The following LDLRAP1 variants were observed in gnomAD, a reference collection of about 807,000 sequenced individuals.
LDLRAP1 encodes the protein low density lipoprotein receptor adaptor protein 1.
A neutral mutation model predicts 37.8 loss-of-function variants in LDLRAP1; 30 were observed. The ratio of observed to expected loss-of-function variants is 0.79; its 90% CI spans 0.59 to 1.08. The LOEUF is 1.08. Among genes scored for constraint, LDLRAP1 ranks in the 50% least tolerant of loss-of-function variants. The probability of loss-of-function intolerance (pLI) is 0.00; values close to 1 mark genes in which losing one functional copy is unlikely to be tolerated. For missense variants in LDLRAP1, 375 were observed against 401.6 expected, an observed-to-expected ratio of 0.93 and a Z score of 0.57; for synonymous variants, 156 against 169.8, an observed-to-expected ratio of 0.92 and a Z score of 0.63.
chr1:25,583,605 G>A, the LDLRAP1 span, among the ~76,000 whole-genome samples: 202 of 152,142 alleles, frequency 1.3e-3, 1 homozygote, highest in African/African-American at 4.0e-3. Context: ...TGAGCTTCCC[G>A]GATCTGTAGT....
chr1:25,570,557 T>G (rs1262686566), downstream of LDLRAP1, among the ~76,000 whole-genome samples: 2 of 152,042 alleles, frequency 1.3e-5, no homozygotes, highest in South Asian at 2.1e-4. Flanking sequence ...AGGTGCCCGT[T>G]TGTATATTAA....
rs1394250592 is a variant in LDLRAP1 at position 25,555,171 on chromosome 1, G to C, written c.344+199G>C. Among the ~76,000 whole-genome samples, 3 of 152,238 alleles carry C rather than the reference G, an allele frequency of 2.0e-5. No homozygotes were observed. The highest frequency in any genetic ancestry group is 2.0e-4 in the Admixed American group (3 of 15,288). On this transcript the variant is annotated intron_variant, in intron 3 of 8. Transcript: ENST00000374338. This position sits in a 1 kb window ranked among gnomAD's most constrained non-coding sequence, Gnocchi z 4.7. ...GTGGAGTGCACGGCACCTGGCTCAT[G>C]ATGAGCATTTGGTTAAGTGGCAGCT...
the LDLRAP1 span, among the ~76,000 whole-genome samples, chr1:25,587,067 ATACTC>A: frequency 6.6e-6 from 1 of 152,094 alleles, no homozygotes; most frequent in South Asian, 2.1e-4. Context: ...GGCCCTTACT[ATACTC>A]TAAACTCTAA....
the LDLRAP1 span, among the ~76,000 whole-genome samples, chr1:25,586,342 CACT>C: frequency 6.6e-6 from 1 of 152,116 alleles, no homozygotes. The surrounding 1 kb of genome is among the most constrained non-coding windows in gnomAD (Gnocchi z 4.3). Flanking sequence ...CCTGTCCCTG[CACT>C]CATCTCTGGG....
intron 4 of LDLRAP1, among the ~76,000 whole-genome samples, chr1:25,558,249 G>A: frequency 6.6e-6 from 1 of 152,130 alleles, no homozygotes; most frequent in Non-Finnish European, 1.5e-5. Flanking sequence ...ACAGCTCTGA[G>A]CCCCAGTCCC....
At chr1:25,581,090 G>A in the LDLRAP1 span, among the ~76,000 whole-genome samples, 4 of 152,150 alleles carry the variant, frequency 2.6e-5, no homozygotes, top group Admixed American at 2.0e-4. Context: ...CTTGGGGGCC[G>A]GTCCTGGACC....
At chr1:25,561,442 GTT>G (rs1481305364) in intron 4 of LDLRAP1, among the ~76,000 whole-genome samples, 2 of 152,208 alleles carry the variant, frequency 1.3e-5, no homozygotes, top group Admixed American at 1.3e-4. Context: ...TTTAAAAGGA[GTT>G]TTAAAGGCAG....
At chr1:25,548,280 C>A (rs2043985656) in intron 1 of LDLRAP1, among the ~76,000 whole-genome samples, 1 of 150,864 alleles carries the variant, frequency 6.6e-6, no homozygotes, top group Non-Finnish European at 1.5e-5. Flanking sequence ...AGCTTCTAAG[C>A]TCACCTCGGG....
rs770751504 is a variant in LDLRAP1, at chr1:25,566,906, A to G, written c.841A>G (p.Met281Val). The G allele has an allele frequency of 5.6e-6, 9 of 1,613,426 alleles. No homozygotes were observed. The South Asian group carries it at 6.6e-5, about 12-fold the overall frequency. Residue 281 changes from methionine (M) to valine (V), a missense_variant, in exon 9 of 9, where the codon ATG becomes GTG. Coordinates refer to ENST00000374338, the MANE Select transcript of LDLRAP1 (RefSeq NM_015627.3). ...GGACACTGGCCTGACAGCCCAGGAC[A>G]TGCATTACGCCCAGTGCCTCTCGCC... ...VLDTGLTAQD[M>V]HYAQCLSPVD...
At chr1:25,573,569 C>A (rs2044633256), downstream of LDLRAP1, among the ~76,000 whole-genome samples, 1 of 152,204 alleles carries the variant, frequency 6.6e-6, no homozygotes, top group South Asian at 2.1e-4. Flanking sequence ...TGAGATGCAG[C>A]AGACCCCCTG....
chr1:25,585,498 T>A, the LDLRAP1 span, among the ~76,000 whole-genome samples: 1 of 152,134 alleles, frequency 6.6e-6, no homozygotes, highest in Non-Finnish European at 1.5e-5. Context: ...GCTAACTTTT[T>A]GTATTTTTAG....
rs1302310854 is a variant in LDLRAP1 at position 25,557,476 on chromosome 1, T to C, written c.459+209T>C. 9 of 597,006 alleles carry C rather than the reference T, an allele frequency of 1.5e-5. No homozygotes were observed. The East Asian group carries it at 2.2e-4, about 15-fold the overall frequency. 37.0% of individuals were successfully genotyped at this position (597,006 alleles called of 1,614,324 possible). A position where few individuals can be genotyped will look rare whatever the true frequency, so the allele number is the denominator to read the frequency against. On this transcript the variant is annotated intron_variant, in intron 4 of 8. Coordinates refer to ENST00000374338, the MANE Select transcript of LDLRAP1 (RefSeq NM_015627.3). ...AGGCAGGTGAACCGCCGGTCAGCTT[T>C]GTGTGGGCAGTAGCTGGCCCATGTC...
intron 1 of LDLRAP1, 37 bp from the exon 2 acceptor site, chr1:25,553,885 G>A (rs747782783): frequency 4.7e-5 from 76 of 1,609,978 alleles, no homozygotes; most frequent in Non-Finnish European, 6.1e-5. Flanking sequence ...TGGGCCCTGA[G>A]CCGCAGGGTC....
chr1:25,569,256 T>A (rs2044567468), downstream of LDLRAP1, among the ~76,000 whole-genome samples: 1 of 152,222 alleles, frequency 6.6e-6, no homozygotes, highest in Admixed American at 6.5e-5. Context: ...TGTCCATTAT[T>A]TCCATCACTT....
At chr1:25,545,148 C>G (rs1166459929) in intron 1 of LDLRAP1, among the ~76,000 whole-genome samples, 1 of 152,150 alleles carries the variant, frequency 6.6e-6, no homozygotes, top group East Asian at 1.9e-4. Flanking sequence ...TAAAAACTGG[C>G]AAGATTTGAC....
intron 3 of LDLRAP1, among the ~76,000 whole-genome samples, chr1:25,556,400 G>A (rs2044200833): frequency 6.6e-6 from 1 of 152,172 alleles, no homozygotes; most frequent in Non-Finnish European, 1.5e-5. Flanking sequence ...GTTGCTGTGT[G>A]TCTCCTCCCG....
In LDLRAP1 at chr1:25,567,008, C is replaced by T. The variant is rs532623790; in HGVS notation, c.*16C>T. On this transcript the variant is annotated 3_prime_UTR_variant, in exon 9 of 9. Transcript: ENST00000374338. The stretch of plus-strand genomic sequence containing the variant: ...CAGCTTCTGAGGGCCCGGGGCCAGC[C>T]GGACACAAGCGGCCCTGACACGTGA... The T allele has an allele frequency of 2.6e-5, 42 of 1,613,062 alleles. No homozygotes were observed. In the East Asian group the frequency reaches 2.7e-4, roughly 10 times the overall value.
At chr1:25,586,583 CGCGT>C in the LDLRAP1 span, among the ~76,000 whole-genome samples, 2,489 of 147,816 alleles carry the variant, frequency 0.017, 76 homozygotes, top group African/African-American at 0.059. This position sits in a 1 kb window ranked among gnomAD's most constrained non-coding sequence, Gnocchi z 4.3. Context: ...TGCGTGTGCG[CGCGT>C]GTGTGTGTGT....
the LDLRAP1 span, among the ~76,000 whole-genome samples, chr1:25,579,846 C>T: frequency 7.2e-5 from 11 of 152,284 alleles, no homozygotes; most frequent in African/African-American, 2.2e-4. Context: ...CATCCCTGAA[C>T]GCTAACTGGA....
Sources: gnomAD v4.1 joint callset for allele counts (sites outside exome capture counted in the v4.1 genomes callset) on GRCh38, gnomAD v4.1.1 for gene constraint, Gnocchi (gnomAD v3.1) non-coding constraint, MANE v1.5 for transcripts, NCBI Gene and HGNC (gene_info 2026-07-23, HGNC 2026-07-21) for gene names.